BMS1: variants seen among roughly 807,000 people sequenced by gnomAD.
BMS1 encodes the protein BMS1 ribosome biogenesis factor, also known as ribosome biogenesis protein BMS1 homolog.
A neutral mutation model predicts 138.7 loss-of-function variants in BMS1; 53 were observed. The observed-to-expected ratio is 0.38, with a 90% confidence interval of 0.31 to 0.48. The LOEUF is 0.48. BMS1 is among the 20% of genes least tolerant of loss of function. BMS1 has a pLI of 0.97. For missense variants in BMS1, 1,360 were observed against 1,565.5 expected, an observed-to-expected ratio of 0.87 and a Z score of 2.22; for synonymous variants, 504 against 539.9, an observed-to-expected ratio of 0.93 and a Z score of 0.92.
chr10:42,795,855 C>T (rs1841667655), intron 9 of BMS1, among the ~76,000 whole-genome samples: 1 of 152,150 alleles, frequency 6.6e-6, no homozygotes, highest in Non-Finnish European at 1.5e-5. Flanking sequence ...GCATTTTTAA[C>T]AAAGAGCTTT....
chr10:42,798,507 A>G lies in BMS1; in HGVS notation c.2129A>G (p.Glu710Gly). 6.2e-7 allele frequency: 1 copy of G among 1,614,214 alleles called. No homozygotes were observed. The highest frequency in any genetic ancestry group is 8.5e-7 in the Non-Finnish European group (1 of 1,180,040). ...GAAGAAGAAGATGATGATACTCTAG[A>G]AGAGCTTGGAGGGTTGTTTCGTGTC... The part of the protein sequence containing the change: ...DNEEEDDDTL[E>G]ELGGLFRVNQ... The change falls in exon 12 of 23, where the codon GAA (glutamate) becomes GGA (glycine). Residue 710 changes from glutamate to glycine, a missense_variant. Physicochemically the swap from Glu to Gly is moderately conservative, Grantham distance 98 (BLOSUM62 -2). This residue lies in a region of BMS1 where 697 missense variants were observed against 686.2 expected (regional missense o/e 1.02). Transcript: ENST00000374518.
chr10:42,821,762 A>G (rs965833037), intron 18 of BMS1, among the ~76,000 whole-genome samples: 1 of 152,060 alleles, frequency 6.6e-6, no homozygotes, highest in Non-Finnish European at 1.5e-5. Flanking sequence ...CATGTTGGCC[A>G]GACTGGTCTT....
In BMS1 at chr10:42,826,239, GTGTGTGT is replaced by G. The variant is rs1564433022; in HGVS notation, c.3456+2456_3456+2462del. ...AGTTGACCTGTAGTTTTTGTTTGTT[GTGTGTGT>G]GTGTGTGTGTGTGTGTGTGTGTGTG... On this transcript the variant is annotated intron_variant, in intron 21 of 22. Coordinates refer to ENST00000374518, the MANE Select transcript of BMS1 (RefSeq NM_014753.4). 0.012 allele frequency among the ~76,000 whole-genome samples: 94 copies of G among 7,824 alleles called. 2 individuals are homozygous for G. The East Asian group carries it at 0.34, about 28-fold the overall frequency. The allele number at this position is 7,824 out of a possible 152,430, so 5.1% of individuals were successfully genotyped here. A position where few individuals can be genotyped will look rare whatever the true frequency, so the allele number is the denominator to read the frequency against.
chr10:42,805,750 AGTT>A (rs970068515), intron 13 of BMS1, among the ~76,000 whole-genome samples: 1 of 152,048 alleles, frequency 6.6e-6, no homozygotes, highest in African/African-American at 2.4e-5. Context: ...TAAGAAATGC[AGTT>A]GATTTTTTTT....
At chr10:42,820,895 T>G in intron 17 of BMS1, 39 bp from the exon 18 acceptor site, 1 of 1,556,496 alleles carries the variant, frequency 6.4e-7, no homozygotes. Flanking sequence ...ATCTAAAATT[T>G]GTGGTTCGCT....
At chr10:42,808,699 A>G (rs1199282294) in intron 13 of BMS1, among the ~76,000 whole-genome samples, 1 of 152,108 alleles carries the variant, frequency 6.6e-6, no homozygotes, top group Non-Finnish European at 1.5e-5. Context: ...TCATTTTATG[A>G]GATATGAGGC....
Position 42,803,473 on chromosome 10 carries a change from A to AT in BMS1, c.2329+1264dup, listed in dbSNP as rs1031056042. ...TGAATGTATTCTTTATATATATATA[A>AT]TTTTTTTTTCTGGGCCTTCTAGTTA... On this transcript the variant is annotated intron_variant, in intron 13 of 22. Transcript: ENST00000374518. 6.4e-4 allele frequency among the ~76,000 whole-genome samples: 96 copies of AT among 150,864 alleles called. 1 individual carries two copies. The East Asian group carries it at 0.018, about 28-fold the overall frequency.
At chr10:42,820,452 C>T in intron 16 of BMS1, 28 bp downstream of exon 16, 1 of 1,612,028 alleles carries the variant, frequency 6.2e-7, no homozygotes, top group Non-Finnish European at 8.5e-7. Flanking sequence ...ATATTTGGTG[C>T]CTGAGGCTCT....
At chr10:42,784,312 G>C in intron 1 of BMS1, 50 bp from the exon 2 acceptor site, 4 of 1,287,882 alleles carry the variant, frequency 3.1e-6, no homozygotes, top group Non-Finnish European at 4.2e-6. Context: ...GTATTGCCTG[G>C]ATTGTAAAAT....
chr10:42,817,636 A>G (rs1842387414), intron 15 of BMS1, 142 bp downstream of exon 15: 1 of 759,462 alleles, frequency 1.3e-6, no homozygotes, highest in Non-Finnish European at 2.0e-6. Flanking sequence ...CTGGGTAGAG[A>G]TGCATGTGAG....
rs547177767 is a variant in BMS1 at position 42,820,419 on chromosome 10, G to A, written c.2764G>A (p.Val922Met). The A allele has an allele frequency of 1.6e-4, 261 of 1,613,462 alleles. 1 individual carries two copies. In the South Asian group the frequency reaches 1.7e-3, roughly 11 times the overall value. Reference protein sequence around the residue: ...LGNSEGNVGYVQMRLKKHRWY... With the variant: ...LGNSEGNVGYMQMRLKKHRWY... The stretch of plus-strand genomic sequence containing the variant: ...CAACAGTGAGGGAAATGTTGGCTAC[G>A]TGCAGGTGGGTCCCTTTGCTACATA... The change falls in exon 16 of 23, where the codon GTG becomes ATG. Residue 922 changes from valine (V) to methionine (M), a missense_variant. By Grantham distance (21) the Val-to-Met change is conservative. Coordinates refer to ENST00000374518, the MANE Select transcript of BMS1 (RefSeq NM_014753.4).
At chr10:42,818,313 A>G (rs941290000) in intron 15 of BMS1, among the ~76,000 whole-genome samples, 2 of 152,208 alleles carry the variant, frequency 1.3e-5, no homozygotes, top group African/African-American at 2.4e-5. Flanking sequence ...ACCATTTACA[A>G]TTTAAAATTA....
chr10:42,816,564 G>T (rs766736160), intron 13 of BMS1, 35 bp from the exon 14 acceptor site: 12 of 1,575,948 alleles, frequency 7.6e-6, no homozygotes, highest in Non-Finnish European at 9.5e-6. Context: ...TGCATACCTG[G>T]CTCACAGAGC....
Position 42,823,689 on chromosome 10 carries a change from G to C in BMS1, c.3361G>C (p.Gly1121Arg). The C allele has an allele frequency of 6.3e-7, 1 of 1,596,096 alleles. No individual in the cohort carries two copies. Among genetic ancestry groups the C allele is most frequent in the Admixed American group, 1.7e-5 (1 of 59,994 alleles). Residue 1121 changes from glycine (G) to arginine (R), a missense_variant, in exon 21 of 23, where the codon GGT becomes CGT. By Grantham distance (125) the Gly-to-Arg change is moderately radical. This residue lies in a region of BMS1 where 425 missense variants were observed against 568.3 expected (regional missense o/e 0.75). Transcript: ENST00000374518. ...AGTAACATCTTTGTTGAAACCAGTG[G>C]GTGAGAAAGACACCTGGTCAGGAAT... ...NPVTSLLKPV[G>R]EKDTWSGMRT...
intron 6 of BMS1, 86 bp from the exon 7 acceptor site, chr10:42,792,407 A>T (rs1049256113): frequency 5.9e-6 from 9 of 1,536,242 alleles, no homozygotes; most frequent in East Asian, 2.3e-5. Flanking sequence ...CTTAATGGAC[A>T]AGAGTGTGAT....
Position 42,823,731 on chromosome 10 carries a change from C to A in BMS1, c.3403C>A (p.Leu1135Ile), listed in dbSNP as rs779593974. The A allele has an allele frequency of 6.3e-7, 1 of 1,595,930 alleles. No homozygotes were observed. The highest frequency in any genetic ancestry group is 2.3e-4 in the Middle Eastern group (1 of 4,424). ...GTCAGGAATGCGGACCACGGGCCAACTCAGGCTCGCCCATGGCGTCAGACT... is the reference window on the plus strand; with the variant it reads ...GTCAGGAATGCGGACCACGGGCCAAATCAGGCTCGCCCATGGCGTCAGACT... ...TWSGMRTTGQ[L>I]RLAHGVRLKA... The change falls in exon 21 of 23, where the codon CTC (leucine) becomes ATC (isoleucine). Residue 1135 changes from leucine (L) to isoleucine (I), a missense_variant. This residue lies in a region of BMS1 where 425 missense variants were observed against 568.3 expected (regional missense o/e 0.75). Transcript: ENST00000374518.
intron 21 of BMS1, among the ~76,000 whole-genome samples, chr10:42,829,176 G>T (rs1304087592): frequency 1.3e-5 from 2 of 152,104 alleles, no homozygotes; most frequent in Non-Finnish European, 2.9e-5. Flanking sequence ...GCCAGGCGTG[G>T]TGGCGGGCGC....
Position 42,796,585 on chromosome 10 carries a change from T to TGATGAAATGTCTGAA in BMS1, c.1347_1361dup (p.Glu449_Asp453dup). On this transcript the variant is annotated inframe_insertion, in exon 10 of 23. Transcript: ENST00000374518. ...CTGGAGATAGTGATGATGAAGAAGA[T>TGATGAAATGTCTGAA]GATGAAATGTCTGAAGATGACGGGT... is the stretch of plus-strand genomic sequence containing the variant. 6.2e-7 allele frequency: 1 copy of TGATGAAATGTCTGAA among 1,614,086 alleles called. No homozygotes were observed. Among genetic ancestry groups the TGATGAAATGTCTGAA allele is most frequent in the Non-Finnish European group, 8.5e-7 (1 of 1,180,028 alleles).
At chr10:42,788,674 G>A (rs1841413039) in intron 4 of BMS1, among the ~76,000 whole-genome samples, 1 of 152,158 alleles carries the variant, frequency 6.6e-6, no homozygotes, top group Non-Finnish European at 1.5e-5. Context: ...ATCATTGAGA[G>A]AGATGCCCAT....
Sources: allele counts gnomAD v4.1 joint callset (sites outside exome capture counted in the v4.1 genomes callset), GRCh38; gene constraint gnomAD v4.1.1; regional missense constraint gnomAD v4.1.1; transcripts MANE v1.5; gene names NCBI Gene and HGNC (gene_info 2026-07-23, HGNC 2026-07-21).